The following SGO1 variants were observed in gnomAD, a reference collection of about 807,000 sequenced individuals.
The protein encoded by SGO1 is serologically defined breast cancer antigen NY-BR-85.
In SGO1, 39 loss-of-function variants were observed where a neutral mutation model predicts 50.5. The observed-to-expected ratio is 0.77, with a 90% CI of 0.60 to 1.01. The LOEUF (loss-of-function observed/expected upper bound fraction) is 1.01, where lower values mean the gene tolerates loss of function less well. Among genes scored for constraint, SGO1 ranks in the 50% least tolerant of loss-of-function variants. The probability of loss-of-function intolerance (pLI) is 0.00; values close to 1 mark genes in which losing one functional copy is unlikely to be tolerated. For missense variants in SGO1, 638 were observed against 606.0 expected (o/e 1.05, Z -0.55); for synonymous variants, 191 against 205.1 (o/e 0.93, Z 0.59).
rs1435446880 is a variant in SGO1 at position 20,184,011 on chromosome 3, C to A, written c.17G>T (p.Cys6Phe). Residue 6 changes from cysteine to phenylalanine, a missense_variant, in exon 2 of 8, where the codon TGC becomes TTC. By Grantham distance (205) the Cys-to-Phe change is radical. Transcript: ENST00000412997. ...ACTATCTTGAAAGGACTTTTTCAGG[C>A]ATCTTTCCTTGGCCATCTTTTGCCT... MAKER[C>F]LKKSFQDSLE... 6.3e-7 allele frequency: 1 copy of A among 1,582,588 alleles called. No individual in the cohort carries two copies. Among genetic ancestry groups the A allele is most frequent in the South Asian group, 1.2e-5 (1 of 84,112 alleles).
downstream of SGO1, among the ~76,000 whole-genome samples, chr3:20,165,777 C>T (rs111545032): frequency 0.05 from 7,614 of 152,234 alleles, 269 homozygotes; most frequent in East Asian, 0.15. Flanking sequence ...GTTGGCCAGG[C>T]GCAGTGGCTC....
intron 3 of SGO1, among the ~76,000 whole-genome samples, chr3:20,183,350 TA>T (rs1702240059): frequency 1.3e-5 from 2 of 152,238 alleles, no homozygotes; most frequent in Admixed American, 6.5e-5. Context: ...TGCAAAAGGC[TA>T]AACTATTTCT....
At chr3:20,175,134 T>C in intron 5 of SGO1, 79 bp from the exon 6 acceptor site, 1 of 1,323,750 alleles carries the variant, frequency 7.6e-7, no homozygotes, top group East Asian at 2.7e-5. Flanking sequence ...GAATTCAAAC[T>C]AAAAAAGTGA....
chr3:20,169,522 A>G lies in SGO1; in HGVS notation c.*1182T>C. 1.0e-6 allele frequency: 1 copy of G among 981,222 alleles called. No homozygotes were observed. The highest frequency in any genetic ancestry group is 1.7e-5 in the African/African-American group (1 of 57,244). The allele number at this position is 981,222 out of a possible 1,614,324, so 60.8% of individuals were successfully genotyped here. ...CTTTATTGCTCTTTAAAAATGAATA[A>G]CCTACAAAGTTCTAAAATTTAAAGA... On this transcript the variant is annotated 3_prime_UTR_variant, in exon 8 of 8. Transcript: ENST00000412997.
downstream of SGO1, among the ~76,000 whole-genome samples, chr3:20,168,234 C>T (rs1209025261): frequency 1.3e-5 from 2 of 152,046 alleles, no homozygotes; most frequent in African/African-American, 4.8e-5. Context: ...GAGTGTCAGA[C>T]CAGAATGATC....
intron 1 of SGO1, among the ~76,000 whole-genome samples, chr3:20,184,926 C>CAAAAA (rs60350092): frequency 6.7e-6 from 1 of 149,808 alleles, no homozygotes; most frequent in Non-Finnish European, 1.5e-5. Context: ...CTTAAAATTG[C>CAAAAA]AAAAAAAAAA....
chr3:20,169,667 A>C lies in SGO1; in HGVS notation c.*1037T>G. Reference sequence around the variant, plus strand: ...ATTTAATCTCTGAGATTTCTGACTAAATAAGGAGCTACCCTGAAAGTACAT... The same window carrying C: ...ATTTAATCTCTGAGATTTCTGACTACATAAGGAGCTACCCTGAAAGTACAT... On this transcript the variant is annotated 3_prime_UTR_variant, in exon 8 of 8. Coordinates refer to ENST00000412997, the MANE Select transcript of SGO1 (RefSeq NM_001199251.3). The C allele has an allele frequency of 1.0e-6, 1 of 953,374 alleles. No individual in the cohort carries two copies. The highest frequency in any genetic ancestry group is 4.9e-5 in the South Asian group (1 of 20,580). The allele number at this position is 953,374 out of a possible 1,614,324, so 59.1% of individuals were successfully genotyped here.
chr3:20,166,063 A>G (rs955132300), downstream of SGO1, among the ~76,000 whole-genome samples: 55 of 152,172 alleles, frequency 3.6e-4, no homozygotes, highest in Non-Finnish European at 7.3e-4. Flanking sequence ...AAACAAAAAA[A>G]AAGTTAGCAA....
intron 4 of SGO1, chr3:20,177,319 C>T (rs922771277): frequency 6.6e-6 from 1 of 151,464 alleles, no homozygotes; most frequent in Non-Finnish European, 1.5e-5. Flanking sequence ...CCTTATCTTA[C>T]CTTTTGCCCA....
At chr3:20,179,435 AT>A (rs145642996) in intron 3 of SGO1, among the ~76,000 whole-genome samples, 7,093 of 152,072 alleles carry the variant, frequency 0.047, 237 homozygotes, top group East Asian at 0.15. Context: ...GCATTCATTC[AT>A]TTTTTTGAAA....
At chr3:20,183,391 G>T (rs530854081) in intron 3 of SGO1, among the ~76,000 whole-genome samples, 4 of 152,322 alleles carry the variant, frequency 2.6e-5, no homozygotes, top group African/African-American at 9.6e-5. Flanking sequence ...CCTGCTTTAA[G>T]AATGAAACAG....
In SGO1 at chr3:20,174,666, C is replaced by T. The variant is rs1282885272; in HGVS notation, c.865G>A (p.Glu289Lys). 2 of 1,605,030 alleles carry T rather than the reference C, an allele frequency of 1.2e-6. No homozygotes were observed. The highest frequency in any genetic ancestry group is 1.3e-5 in the African/African-American group (1 of 74,100). Reference sequence around the variant, plus strand: ...TTTCTTTTCTCTTCTCTTTTTCTTTCTTGTGTATCTCTTTGCTTACTTTTA... The same window carrying T: ...TTTCTTTTCTCTTCTCTTTTTCTTTTTTGTGTATCTCTTTGCTTACTTTTA... ...QTKSKQRDTQ[E>K]RKREEKRKAN... The change falls in exon 6 of 8, where the codon GAA (glutamate) becomes AAA (lysine). Residue 289 changes from glutamate to lysine, a missense_variant. Coordinates refer to ENST00000412997, the MANE Select transcript of SGO1 (RefSeq NM_001199251.3).
At chr3:20,164,613 T>C (rs1017749488), downstream of SGO1, among the ~76,000 whole-genome samples, 9 of 151,834 alleles carry the variant, frequency 5.9e-5, no homozygotes, top group South Asian at 1.0e-3. Flanking sequence ...ACATGCAAAA[T>C]AGAAAGACAG....
chr3:20,161,200 C>T (rs766317732), exon 9 of SGO1: 2 of 1,607,430 alleles, frequency 1.2e-6, no homozygotes, highest in Non-Finnish European at 1.7e-6. Context: ...AAAATTGCTT[C>T]TTTGGCAGGT....
chr3:20,163,707 A>G (rs1700156645), intron 8 of SGO1, among the ~76,000 whole-genome samples: 1 of 152,208 alleles, frequency 6.6e-6, no homozygotes, highest in Non-Finnish European at 1.5e-5. Flanking sequence ...AAGTGCTGCC[A>G]GTGAATATTC....
In SGO1 at chr3:20,171,357, T is replaced by A. The variant is rs375681346; in HGVS notation, c.1283-125A>T. 1.5e-5 allele frequency: 11 copies of A among 744,210 alleles called. No individual in the cohort carries two copies. The East Asian group carries it at 3.5e-4, about 23-fold the overall frequency. 46.1% of individuals were successfully genotyped at this position (744,210 alleles called of 1,614,324 possible). On this transcript the variant is annotated intron_variant, in intron 6 of 7. Coordinates refer to ENST00000412997, the MANE Select transcript of SGO1 (RefSeq NM_001199251.3). ...AGCATTTAATAATAGAATTTTTTTT[T>A]AGATGGGCTCTCACTGTGTTGCCCA... is the stretch of plus-strand genomic sequence containing the variant.
chr3:20,168,832 G>C, downstream of SGO1: 1 of 452,296 alleles, frequency 2.2e-6, no homozygotes, highest in Non-Finnish European at 2.9e-6. Context: ...GGGTTTCACC[G>C]TATTAGCCAG....
chr3:20,169,260 GA>G (rs1700484601), downstream of SGO1: 1 of 985,112 alleles, frequency 1.0e-6, no homozygotes, highest in Non-Finnish European at 1.2e-6. Flanking sequence ...ATTACACAGA[GA>G]TAAGTTGGGA....
At chr3:20,176,157 A>G (rs910213007) in intron 5 of SGO1, among the ~76,000 whole-genome samples, 13 of 152,234 alleles carry the variant, frequency 8.5e-5, no homozygotes, top group Non-Finnish European at 1.6e-4. Flanking sequence ...ATATCAATTT[A>G]AAAGTAGTAA....
Sources: gnomAD v4.1 joint callset for allele counts (sites outside exome capture counted in the v4.1 genomes callset) on GRCh38, gnomAD v4.1.1 for gene constraint, MANE v1.5 for transcripts, NCBI Gene and HGNC (gene_info 2026-07-23, HGNC 2026-07-21) for gene names.